The following CNTNAP5 variants were observed in gnomAD, a reference collection of about 807,000 sequenced individuals.
The protein encoded by CNTNAP5 is contactin associated protein family member 5.
CNTNAP5 carries 72 observed loss-of-function variants against 150.2 expected under a neutral mutation model. That is an observed-to-expected ratio of 0.48 (90% CI 0.40 to 0.58). The LOEUF (loss-of-function observed/expected upper bound fraction) is 0.58. Ranked by LOEUF, CNTNAP5 falls within the 20% of genes least tolerant of loss-of-function variation. The probability of loss-of-function intolerance (pLI) is 0.00; values close to 1 mark genes in which losing one functional copy is unlikely to be tolerated. For missense variants in CNTNAP5, 1,636 were observed against 1,626.2 expected, an observed-to-expected ratio of 1.01 and a Z score of -0.10; for synonymous variants, 672 against 619.8, an observed-to-expected ratio of 1.08 and a Z score of -1.25.
chr2:124,075,343 GATGCC>G (rs1682412779), intron 1 of CNTNAP5, among the ~76,000 whole-genome samples: 1 of 151,976 alleles, frequency 6.6e-6, no homozygotes, highest in Admixed American at 6.6e-5. Context: ...CTGCACTTTC[GATGCC>G]ATGAAAGATC....
intron 19 of CNTNAP5, among the ~76,000 whole-genome samples, chr2:124,811,932 A>C (rs987440447): frequency 2.3e-5 from 3 of 129,728 alleles, no homozygotes; most frequent in Admixed American, 9.9e-5. Context: ...AAAAGACCAA[A>C]CCTCCATCTC....
At chr2:124,804,104 G>C (rs1427709662) in intron 19 of CNTNAP5, among the ~76,000 whole-genome samples, 2 of 152,168 alleles carry the variant, frequency 1.3e-5, no homozygotes, top group Non-Finnish European at 2.9e-5. Context: ...CCCAGACTTT[G>C]TTTTAGTTGT....
chr2:124,632,933 C>T (rs1677894776), intron 12 of CNTNAP5, among the ~76,000 whole-genome samples: 1 of 152,002 alleles, frequency 6.6e-6, no homozygotes, highest in South Asian at 2.1e-4. Context: ...GTGCTATACA[C>T]TTTTAAACAA....
chr2:124,127,826 A>G (rs562862526), intron 1 of CNTNAP5, among the ~76,000 whole-genome samples: 26 of 152,358 alleles, frequency 1.7e-4, no homozygotes, highest in African/African-American at 6.0e-4. Flanking sequence ...TCCCTATTTA[A>G]TAAATGTTGC....
Position 124,790,151 on chromosome 2 carries a change from G to A in CNTNAP5, c.2992+10G>A, listed in dbSNP as rs1167660763. The A allele has an allele frequency of 2.5e-6, 4 of 1,604,620 alleles. No individual in the cohort carries two copies. The highest frequency in any genetic ancestry group is 3.4e-5 in the Admixed American group (2 of 58,542). ...CCCTTTTGCAAAAAAGGTACCTTAG[G>A]CGCTCCTGTTTCTCCTGAGTGCAGT... On this transcript the variant is annotated intron_variant, in intron 18 of 23. Coordinates refer to ENST00000682447, the MANE Select transcript of CNTNAP5 (RefSeq NM_001367498.1).
At chr2:124,289,236 C>T (rs958466133) in intron 3 of CNTNAP5, among the ~76,000 whole-genome samples, 1 of 152,154 alleles carries the variant, frequency 6.6e-6, no homozygotes, top group African/African-American at 2.4e-5. Flanking sequence ...AGACACCTAT[C>T]ATTTTTGGCA....
intron 1 of CNTNAP5, among the ~76,000 whole-genome samples, chr2:124,162,306 A>G (rs1007825077): frequency 1.3e-5 from 2 of 152,162 alleles, no homozygotes; most frequent in African/African-American, 4.8e-5. Flanking sequence ...CAGAGATTGT[A>G]TTGATTATTT....
intron 1 of CNTNAP5, among the ~76,000 whole-genome samples, chr2:124,124,648 A>G (rs1163839299): frequency 6.6e-6 from 1 of 152,176 alleles, no homozygotes; most frequent in Admixed American, 6.5e-5. Context: ...AAAAAATCTT[A>G]AGGGCAGCCA....
intron 17 of CNTNAP5, among the ~76,000 whole-genome samples, chr2:124,773,342 C>T (rs1032778519): frequency 1.3e-5 from 2 of 152,258 alleles, no homozygotes; most frequent in South Asian, 4.1e-4. Context: ...CAGGACATGT[C>T]AACTCTTTAC....
intron 1 of CNTNAP5, among the ~76,000 whole-genome samples, chr2:124,174,449 A>C (rs539902358): frequency 6.6e-6 from 1 of 152,184 alleles, no homozygotes; most frequent in African/African-American, 2.4e-5. Flanking sequence ...CATTAACAGG[A>C]GTTTAGAAGA....
At chr2:124,223,423 T>C (rs969556359) in intron 2 of CNTNAP5, among the ~76,000 whole-genome samples, 4 of 152,170 alleles carry the variant, frequency 2.6e-5, no homozygotes, top group African/African-American at 9.7e-5. Flanking sequence ...TGCAACATTA[T>C]GTGCAGATTA....
At chr2:124,414,533 G>A (rs1402115332) in intron 3 of CNTNAP5, among the ~76,000 whole-genome samples, 1 of 152,126 alleles carries the variant, frequency 6.6e-6, no homozygotes, top group Admixed American at 6.5e-5. Flanking sequence ...CTTTGAGACT[G>A]TGAGATTGCA....
chr2:124,298,870 C>A (rs1258575981), intron 3 of CNTNAP5, among the ~76,000 whole-genome samples: 1 of 152,110 alleles, frequency 6.6e-6, no homozygotes, highest in Non-Finnish European at 1.5e-5. Context: ...TTTAACTTAA[C>A]CACTTAGTGC....
At chr2:124,510,226 A>T (rs1694525869) in intron 8 of CNTNAP5, among the ~76,000 whole-genome samples, 1 of 84,704 alleles carries the variant, frequency 1.2e-5, no homozygotes, top group African/African-American at 4.2e-5. Context: ...ACAAAAAAGT[A>T]AATTATATAT....
At chr2:124,819,192 C>A (rs1272424397) in intron 19 of CNTNAP5, among the ~76,000 whole-genome samples, 2 of 152,058 alleles carry the variant, frequency 1.3e-5, no homozygotes, top group Admixed American at 1.3e-4. Context: ...TTGTTTGTTG[C>A]CTGTCATCCA....
intron 1 of CNTNAP5, among the ~76,000 whole-genome samples, chr2:124,073,721 G>A (rs780721228): frequency 4.6e-5 from 7 of 151,984 alleles, no homozygotes; most frequent in South Asian, 4.1e-4. Flanking sequence ...AAAAGGGAAC[G>A]CTTATATACG....
In CNTNAP5 at chr2:124,884,601, C is replaced by T. The variant is rs150941055; in HGVS notation, c.3436+14839C>T. Among the ~76,000 whole-genome samples the T allele has an allele frequency of 2.4e-4, 37 of 152,034 alleles. 1 individual carries two copies. The East Asian group carries it at 7.0e-3, about 29-fold the overall frequency. ...AGTTAGATAACTCCAATGTCTTTAT[C>T]TTTAGCTCATTTATCTTGGGACAGG... On this transcript the variant is annotated intron_variant, in intron 21 of 23. Transcript: ENST00000682447.
intron 3 of CNTNAP5, among the ~76,000 whole-genome samples, chr2:124,362,454 A>G (rs182793743): frequency 6.6e-6 from 1 of 152,338 alleles, no homozygotes; most frequent in East Asian, 1.9e-4. Flanking sequence ...CTTATCATAC[A>G]TTAGACAAAT....
rs1274910330 is a variant in CNTNAP5, at chr2:124,697,636, C to G, written c.2078-49593C>G. On this transcript the variant is annotated intron_variant, in intron 13 of 23. Coordinates refer to ENST00000682447, the MANE Select transcript of CNTNAP5 (RefSeq NM_001367498.1). ...GAAAAAAAAAAAAAAAAAGCTGTAC[C>G]CTTCCAGAAGCCTGGCATAAGGCCA... Among the ~76,000 whole-genome samples, 5 of 149,630 alleles carry G rather than the reference C, an allele frequency of 3.3e-5. No individual in the cohort carries two copies. In the East Asian group the frequency reaches 9.7e-4, roughly 29 times the overall value.
Sources: gnomAD v4.1 joint callset for allele counts (sites outside exome capture counted in the v4.1 genomes callset) on GRCh38, gnomAD v4.1.1 for gene constraint, MANE v1.5 for transcripts, NCBI Gene and HGNC (gene_info 2026-07-23, HGNC 2026-07-21) for gene names.